The following EPS8L2 variants were observed in gnomAD, a reference collection of about 807,000 sequenced individuals.
The protein encoded by EPS8L2 is EPS8 signaling adaptor L2.
A neutral mutation model predicts 99.4 loss-of-function variants in EPS8L2; 81 were observed. The ratio of observed to expected loss-of-function variants is 0.82; its 90% confidence interval spans 0.68 to 0.98. The LOEUF is 0.98. Among genes scored for constraint, EPS8L2 ranks in the 50% least tolerant of loss-of-function variants. The probability of loss-of-function intolerance (pLI) is 0.00; values close to 1 mark genes in which losing one functional copy is unlikely to be tolerated. For synonymous variants in EPS8L2, 509 were observed against 407.3 expected (o/e 1.25, Z -3.01); for missense variants, 1,155 against 968.8 (o/e 1.19, Z -2.55).
intron 4 of EPS8L2, among the ~76,000 whole-genome samples, chr11:715,651 T>A (rs192901680): frequency 6.8e-6 from 1 of 146,720 alleles, no homozygotes; most frequent in East Asian, 2.0e-4. Flanking sequence ...AATGGAGTCT[T>A]GCTCTGTCGC....
rs1023521087 is a variant in EPS8L2, at chr11:721,181, C to G, written c.675C>G (p.Gly225=). The G allele has an allele frequency of 1.3e-6, 2 of 1,533,672 alleles. No individual in the cohort carries two copies. Among genetic ancestry groups the G allele is most frequent in the Non-Finnish European group, 8.8e-7 (1 of 1,142,516 alleles). The change falls in exon 8 of 21, where the codon GGC becomes GGG. Residue 225 remains glycine (G), a synonymous_variant. Transcript: ENST00000318562. ...GDSPEAKNRV[G]PQVPLSEPGF... is the part of the protein sequence containing the mutation. ...CCCCGGAGGCCAAGAATCGCGTGGGCCCGCAGGTGCCACTCAGCGAGCCAG... is the reference window on the plus strand; with the variant it reads ...CCCCGGAGGCCAAGAATCGCGTGGGGCCGCAGGTGCCACTCAGCGAGCCAG...
chr11:726,685 G>T lies in EPS8L2; in HGVS notation c.2001G>T (p.Lys667Asn), dbSNP rs202235680. ...QLFSLNKEELKKVCGEEGVRV... is the reference protein window; with the variant it reads ...QLFSLNKEELNKVCGEEGVRV... ...TCTCCCTCAACAAGGAGGAGCTGAA[G>T]AAAGTGTGCGGCGAGGAGGGCGTCC... is the stretch of plus-strand genomic sequence containing the variant. The change falls in exon 20 of 21, where the codon AAG becomes AAT. Residue 667 changes from lysine to asparagine, a missense_variant. Transcript: ENST00000318562. The T allele has an allele frequency of 6.9e-6, 11 of 1,584,978 alleles. No individual in the cohort carries two copies. Among genetic ancestry groups the T allele is most frequent in the Non-Finnish European group, 9.4e-6 (11 of 1,167,032 alleles).
In EPS8L2 at chr11:723,294, T is replaced by C; in HGVS notation, c.1395T>C (p.Thr465=). Residue 465 remains threonine, a synonymous_variant, in exon 15 of 21, where the codon ACT becomes ACC. Coordinates refer to ENST00000318562, the MANE Select transcript of EPS8L2 (RefSeq NM_022772.4). ...GAAACTCCCAGAAGCACAGCCCCAC[T>C]TCAGAGCCCACCCCCCCGGGGGATG... ...SIRNSQKHSP[T]SEPTPPGDAL... is the part of the protein sequence containing the mutation. The C allele has an allele frequency of 6.2e-7, 1 of 1,602,196 alleles. No individual in the cohort carries two copies. The highest frequency in any genetic ancestry group is 8.5e-7 in the Non-Finnish European group (1 of 1,175,756).
Position 720,676 on chromosome 11 carries a change from T to A in EPS8L2, c.407T>A (p.Leu136Gln). Reference sequence around the variant, plus strand: ...AACCAGCTGCGCTACCCGTCTGTGCTGCTGCTCGTGTGCCAGGACTCGGAG... The same window carrying A: ...AACCAGCTGCGCTACCCGTCTGTGCAGCTGCTCGTGTGCCAGGACTCGGAG... Reference protein sequence around the residue: ...VLNQLRYPSVLLLVCQDSEQS... With the variant: ...VLNQLRYPSVQLLVCQDSEQS... The change falls in exon 6 of 21, where the codon CTG becomes CAG. Residue 136 changes from leucine (L) to glutamine (Q), a missense_variant. Coordinates refer to ENST00000318562, the MANE Select transcript of EPS8L2 (RefSeq NM_022772.4). 6.3e-7 allele frequency: 1 copy of A among 1,597,342 alleles called. No individual in the cohort carries two copies. The highest frequency in any genetic ancestry group is 8.5e-7 in the Non-Finnish European group (1 of 1,173,632).
chr11:723,421 T>G, intron 15 of EPS8L2, 68 bp downstream of exon 15: 1 of 675,474 alleles, frequency 1.5e-6, no homozygotes, highest in Non-Finnish European at 2.4e-6. Context: ...TCTAAAAACA[T>G]ATGGGTACGC....
rs574517878 is a variant in EPS8L2 at position 718,259 on chromosome 11, G to A, written c.166-1803G>A. On this transcript the variant is annotated intron_variant, in intron 4 of 20. Transcript: ENST00000318562. The stretch of plus-strand genomic sequence containing the variant: ...GAAGCAGGAGTATCACTTGAACCCG[G>A]GAGGCGGAGCTTGCAGTGAGCCAAG... 4.6e-5 allele frequency among the ~76,000 whole-genome samples: 7 copies of A among 152,108 alleles called. No individual in the cohort carries two copies. The East Asian group carries it at 1.2e-3, about 25-fold the overall frequency.
chr11:722,167 T>C lies in EPS8L2; in HGVS notation c.1059+2T>C. ...TTCCTCTTCGGGCCTCTGGACCTGG[T>C]GCCTGGGGCCGGGCGGCAGGGGCGC... On this transcript the variant is annotated splice_donor_variant, in intron 12 of 20. Coordinates refer to ENST00000318562, the MANE Select transcript of EPS8L2 (RefSeq NM_022772.4). LOFTEE classifies it high-confidence loss of function. 1.2e-6 allele frequency: 2 copies of C among 1,611,656 alleles called. No individual in the cohort carries two copies. Among genetic ancestry groups the C allele is most frequent in the Non-Finnish European group, 1.7e-6 (2 of 1,179,318 alleles).
At chr11:717,137 G>A (rs150595078) in intron 4 of EPS8L2, among the ~76,000 whole-genome samples, 4,432 of 152,072 alleles carry the variant, frequency 0.029, 102 homozygotes, top group African/African-American at 0.07. Context: ...CCACCACGCC[G>A]GGCTAATTTT....
rs143959905 is a variant in EPS8L2, at chr11:724,805, G to C, written c.1536G>C (p.Ser512=). Residue 512 remains serine (S), a synonymous_variant, in exon 16 of 21, where the codon TCG becomes TCC. Transcript: ENST00000318562. The surrounding 1 kb of genome is among the most constrained non-coding windows in gnomAD (Gnocchi z 5.5). ...DFTARNANEL[S]VLKDEVLEVL... ...CAGCCCGAAATGCCAACGAGCTATCGGTGCTCAAGGATGAGGTCCTAGAGG... is the reference window on the plus strand; with the variant it reads ...CAGCCCGAAATGCCAACGAGCTATCCGTGCTCAAGGATGAGGTCCTAGAGG... 25 of 1,613,254 alleles carry C rather than the reference G, an allele frequency of 1.5e-5. No homozygotes were observed. Among genetic ancestry groups the C allele is most frequent in the Non-Finnish European group, 2.0e-5 (24 of 1,179,770 alleles).
At chr11:717,958 G>A (rs538451154) in intron 4 of EPS8L2, among the ~76,000 whole-genome samples, 7 of 151,008 alleles carry the variant, frequency 4.6e-5, no homozygotes, top group East Asian at 3.9e-4. Context: ...GCAGTGAGCC[G>A]AGATCGCGCC....
At chr11:709,093 C>G (rs918137079) in intron 1 of EPS8L2, 2 of 478,390 alleles carry the variant, frequency 4.2e-6, no homozygotes, top group African/African-American at 4.0e-5. Flanking sequence ...GCCTCCCAGT[C>G]AGCCTCTGGG....
intron 1 of EPS8L2, among the ~76,000 whole-genome samples, chr11:707,525 G>A (rs899566655): frequency 6.6e-6 from 1 of 152,160 alleles, no homozygotes; most frequent in South Asian, 2.1e-4. Flanking sequence ...ACTTCACACC[G>A]GGAAAATGAC....
chr11:725,204 G>A (rs1316368086), intron 16 of EPS8L2, among the ~76,000 whole-genome samples: 1 of 152,256 alleles, frequency 6.6e-6, no homozygotes, highest in Non-Finnish European at 1.5e-5. Flanking sequence ...AAGTGGAGCA[G>A]GCTAGGGGGG....
At chr11:717,585 AAC>A (rs1862052970) in intron 4 of EPS8L2, among the ~76,000 whole-genome samples, 2 of 152,176 alleles carry the variant, frequency 1.3e-5, no homozygotes, top group African/African-American at 4.8e-5. Context: ...TAGGTAAAAA[AAC>A]ACAATTCCTG....
rs778179402 is a variant in EPS8L2, at chr11:722,753, T to C, written c.1289T>C (p.Leu430Pro). The change falls in exon 14 of 21, where the codon CTG becomes CCG. Residue 430 changes from leucine to proline, a missense_variant. By Grantham distance (98) the Leu-to-Pro change is moderately conservative. Coordinates refer to ENST00000318562, the MANE Select transcript of EPS8L2 (RefSeq NM_022772.4). ...GGCTGGGAGCCTCCTGTGGATGTGC[T>C]GCAGGAGGCCCCCTGGGAGGTGGAG... ...HSGWEPPVDV[L>P]QEAPWEVEGL... The C allele has an allele frequency of 1.9e-6, 3 of 1,605,216 alleles. No homozygotes were observed. In the South Asian group the frequency reaches 3.3e-5, roughly 18 times the overall value.
At position 726,600 on chromosome 11, in the gene EPS8L2, C is replaced by G. The variant is rs1232344772; in HGVS notation, c.1935-19C>G. ...CCTCGCTCACAGCGCGGCCCTGACG[C>G]CCAACTGCCCGCCCCCAGGATCGTG... is the stretch of plus-strand genomic sequence containing the variant. On this transcript the variant is annotated intron_variant, in intron 19 of 20. Coordinates refer to ENST00000318562, the MANE Select transcript of EPS8L2 (RefSeq NM_022772.4). 4.5e-6 allele frequency: 7 copies of G among 1,541,026 alleles called. No homozygotes were observed. The highest frequency in any genetic ancestry group is 4.0e-5 in the Admixed American group (2 of 49,984).
At chr11:710,098 A>C in intron 3 of EPS8L2, 2 of 381,984 alleles carry the variant, frequency 5.2e-6, no homozygotes, top group East Asian at 5.6e-5. Context: ...CAGAGTGGGA[A>C]GAAGCCGGGC....
intron 4 of EPS8L2, among the ~76,000 whole-genome samples, chr11:717,388 C>G (rs544771160): frequency 2.0e-5 from 3 of 152,174 alleles, no homozygotes; most frequent in Admixed American, 6.5e-5. Context: ...AGCCTGGTAC[C>G]GATGCCACAT....
At chr11:708,694 C>G (rs1416901892) in intron 1 of EPS8L2, 4 of 152,586 alleles carry the variant, frequency 2.6e-5, no homozygotes, top group Admixed American at 6.5e-5. Context: ...CCCGCACAGC[C>G]TCTTCCCTGC....
Sources: allele counts gnomAD v4.1 joint callset (sites outside exome capture counted in the v4.1 genomes callset), GRCh38; gene constraint gnomAD v4.1.1; non-coding constraint Gnocchi (gnomAD v3.1); transcripts MANE v1.5; gene names NCBI Gene and HGNC (gene_info 2026-07-23, HGNC 2026-07-21).